CDH12: variants seen among roughly 807,000 people sequenced by gnomAD.
CDH12 encodes cadherin 12.
In CDH12, 41 loss-of-function variants were observed where a neutral mutation model predicts 74.1. The observed-to-expected ratio is 0.55, with a 90% CI of 0.43 to 0.72. The LOEUF is 0.72. Ranked by LOEUF, CDH12 falls within the 30% of genes least tolerant of loss-of-function variation. CDH12 has a pLI of 0.00. For missense variants in CDH12, 945 were observed against 977.2 expected, an observed-to-expected ratio of 0.97 and a Z score of 0.44; for synonymous variants, 399 against 355.0, an observed-to-expected ratio of 1.12 and a Z score of -1.39.
intron 5 of CDH12, among the ~76,000 whole-genome samples, chr5:22,066,007 T>C (rs779550651): frequency 6.6e-6 from 1 of 152,064 alleles, no homozygotes; most frequent in Non-Finnish European, 1.5e-5. Context: ...CTAACCTGAA[T>C]CATAAAAACA....
At chr5:22,785,043 G>A (rs1747556150) in intron 1 of CDH12, among the ~76,000 whole-genome samples, 1 of 151,798 alleles carries the variant, frequency 6.6e-6, no homozygotes, top group South Asian at 2.1e-4. Context: ...TTTTGTGTAC[G>A]GCCCCTAACA....
At chr5:22,366,640 C>T (rs748240706) in intron 3 of CDH12, among the ~76,000 whole-genome samples, 10 of 152,086 alleles carry the variant, frequency 6.6e-5, no homozygotes, top group Non-Finnish European at 1.3e-4. Context: ...CATAAGTTGA[C>T]AGATGCATAG....
intron 5 of CDH12, among the ~76,000 whole-genome samples, chr5:22,039,401 T>G (rs1201318188): frequency 6.6e-6 from 1 of 152,046 alleles, no homozygotes; most frequent in Non-Finnish European, 1.5e-5. Context: ...CATCCAACTT[T>G]GCCTCAGAGG....
chr5:22,169,118 C>T lies in CDH12; in HGVS notation c.-187+43380G>A, dbSNP rs191067023. On this transcript the variant is annotated intron_variant, in intron 4 of 14. Transcript: ENST00000382254. The stretch of plus-strand genomic sequence containing the variant: ...CCTGTCTATGTCTGTCTTCCTGTCT[C>T]CCTCTCTCTCTGCCTTTCTGTCCTA... Among the ~76,000 whole-genome samples, 289 of 151,712 alleles carry T rather than the reference C, an allele frequency of 1.9e-3. 4 individuals are homozygous for T. The East Asian group carries it at 0.024, about 12-fold the overall frequency.
intron 3 of CDH12, among the ~76,000 whole-genome samples, chr5:22,391,116 C>G (rs1349717341): frequency 6.6e-6 from 1 of 152,102 alleles, no homozygotes; most frequent in African/African-American, 2.4e-5. Context: ...GTGCTGGGAA[C>G]AGAGCACTGT....
At position 22,017,507 on chromosome 5, in the gene CDH12, T is replaced by C. The variant is rs552774192; in HGVS notation, c.232-42122A>G. 2.6e-5 allele frequency among the ~76,000 whole-genome samples: 4 copies of C among 152,246 alleles called. No individual in the cohort carries two copies. In the East Asian group the frequency reaches 5.8e-4, roughly 22 times the overall value. ...TATATCAGATGAATAAAGTCTTTAA[T>C]CTCTATTTCATTAACATTAACTTTT... On this transcript the variant is annotated intron_variant, in intron 5 of 14. Coordinates refer to ENST00000382254, the MANE Select transcript of CDH12 (RefSeq NM_004061.5).
intron 5 of CDH12, among the ~76,000 whole-genome samples, chr5:22,024,231 G>A (rs1305309148): frequency 6.6e-6 from 1 of 152,088 alleles, no homozygotes; most frequent in African/African-American, 2.4e-5. Context: ...ATACATTAAA[G>A]TGTTTGTCCC....
At chr5:22,433,682 A>G (rs1297254653) in intron 2 of CDH12, among the ~76,000 whole-genome samples, 5 of 152,198 alleles carry the variant, frequency 3.3e-5, no homozygotes, top group Non-Finnish European at 7.3e-5. Flanking sequence ...TCTTTATTCT[A>G]TAAGCAAACA....
In CDH12 at chr5:22,625,545, C is replaced by T. The variant is rs551483494; in HGVS notation, c.-522-120181G>A. Among the ~76,000 whole-genome samples the T allele has an allele frequency of 3.9e-5, 6 of 152,222 alleles. No homozygotes were observed. In the South Asian group the frequency reaches 1.2e-3, roughly 32 times the overall value. On this transcript the variant is annotated intron_variant, in intron 1 of 14. Transcript: ENST00000382254. The stretch of plus-strand genomic sequence containing the variant: ...AGGAAGGGTTGTAGTGGAGTATGGC[C>T]AGGGAGGCTCATCCTCCAAGGCTTG...
chr5:22,385,664 G>A (rs930604034), intron 3 of CDH12, among the ~76,000 whole-genome samples: 4 of 151,940 alleles, frequency 2.6e-5, no homozygotes, highest in Admixed American at 6.6e-5. Context: ...AAACCCAGAC[G>A]GCCTGTATTT....
intron 9 of CDH12, 138 bp from the exon 10 acceptor site, chr5:21,802,558 G>T: frequency 1.5e-6 from 1 of 662,800 alleles, no homozygotes; most frequent in South Asian, 2.0e-5. Flanking sequence ...AATAACTAGT[G>T]GGTAAGGGCA....
chr5:22,252,642 T>G (rs1300079004), intron 3 of CDH12, among the ~76,000 whole-genome samples: 1 of 152,066 alleles, frequency 6.6e-6, no homozygotes, highest in Non-Finnish European at 1.5e-5. Flanking sequence ...TGCACCAAAG[T>G]GCACCAGAAC....
chr5:22,034,454 T>C (rs1739033693), intron 5 of CDH12, among the ~76,000 whole-genome samples: 1 of 152,196 alleles, frequency 6.6e-6, no homozygotes. Flanking sequence ...GGAAAAAACA[T>C]ATGATGCACG....
chr5:22,530,596 G>T (rs1737544519), intron 1 of CDH12, among the ~76,000 whole-genome samples: 1 of 151,934 alleles, frequency 6.6e-6, no homozygotes, highest in Non-Finnish European at 1.5e-5. Flanking sequence ...GAACTTTCCA[G>T]AAATGACTGA....
chr5:22,726,686 C>T lies in CDH12; in HGVS notation c.-523+126372G>A, dbSNP rs140926890. Among the ~76,000 whole-genome samples, 460 of 151,766 alleles carry T rather than the reference C, an allele frequency of 3.0e-3. 5 individuals are homozygous for T. Among genetic ancestry groups the T allele is most frequent in the African/African-American group, 0.01 (431 of 41,486 alleles). ...TGTGTAGTGTCACATGATGTTTTTA[C>T]AACAGAACATATATCAGAGTTTACA... On this transcript the variant is annotated intron_variant, in intron 1 of 14. Transcript: ENST00000382254.
intron 4 of CDH12, among the ~76,000 whole-genome samples, chr5:22,097,068 G>A (rs184402285): frequency 2.6e-5 from 4 of 152,108 alleles, no homozygotes; most frequent in Non-Finnish European, 5.9e-5. Flanking sequence ...TGCCTGAACC[G>A]CAGCTGCCAG....
intron 1 of CDH12, chr5:22,580,465 G>A (rs758198896): frequency 3.9e-6 from 2 of 509,452 alleles, no homozygotes; most frequent in African/African-American, 3.9e-5. Context: ...GCGACTGCAT[G>A]CGTGTCAGAC....
chr5:22,149,919 G>A (rs1328716857), intron 4 of CDH12, among the ~76,000 whole-genome samples: 7 of 152,082 alleles, frequency 4.6e-5, no homozygotes, highest in African/African-American at 1.7e-4. Flanking sequence ...GCTTGAACCT[G>A]GAAGGCGGAG....
intron 1 of CDH12, among the ~76,000 whole-genome samples, chr5:22,579,059 C>T (rs1739946373): frequency 6.6e-6 from 1 of 152,268 alleles, no homozygotes; most frequent in Admixed American, 6.5e-5. Flanking sequence ...CATCTACAAA[C>T]TATACTGTTT....
Sources: gnomAD v4.1 joint callset for allele counts (sites outside exome capture counted in the v4.1 genomes callset) on GRCh38, gnomAD v4.1.1 for gene constraint, MANE v1.5 for transcripts, NCBI Gene and HGNC (gene_info 2026-07-23, HGNC 2026-07-21) for gene names.